Variants in PRKCA observed in about 807,000 individuals in gnomAD.
PRKCA encodes the protein protein kinase C alpha, also known as protein kinase C alpha type.
A neutral mutation model predicts 87.0 loss-of-function variants in PRKCA; 27 were observed. That is an observed-to-expected ratio of 0.31 (90% CI 0.23 to 0.43). The LOEUF is 0.43. Among genes scored for constraint, PRKCA ranks in the 20% least tolerant of loss-of-function variants. The pLI is 1.00. For missense variants in PRKCA, 518 were observed against 852.3 expected (o/e 0.61, Z 4.88); for synonymous variants, 329 against 311.1 (o/e 1.06, Z -0.61).
chr17:66,342,323 G>A (rs142167928), intron 2 of PRKCA, among the ~76,000 whole-genome samples: 6,627 of 152,096 alleles, frequency 0.044, 173 homozygotes, highest in African/African-American at 0.058. Context: ...TCAGGAGGCT[G>A]AGGCAGGAGA....
intron 2 of PRKCA, among the ~76,000 whole-genome samples, chr17:66,406,612 A>ATTTT (rs1911416787): frequency 1.2e-4 from 2 of 16,150 alleles, no homozygotes; most frequent in Non-Finnish European, 2.6e-4. Flanking sequence ...TTTTTTTTAA[A>ATTTT]TGTCATAGAA....
At chr17:66,623,706 G>C (rs1415899021) in intron 3 of PRKCA, among the ~76,000 whole-genome samples, 1 of 152,156 alleles carries the variant, frequency 6.6e-6, no homozygotes, top group African/African-American at 2.4e-5. Flanking sequence ...GAATAAGAAA[G>C]ATAAAGCTAA....
At chr17:66,622,854 G>A (rs1951808354) in intron 3 of PRKCA, among the ~76,000 whole-genome samples, 1 of 152,198 alleles carries the variant, frequency 6.6e-6, no homozygotes, top group African/African-American at 2.4e-5. Flanking sequence ...AGAACAGTAC[G>A]GGGGAACCGC....
chr17:66,425,338 C>T (rs749234219), intron 2 of PRKCA, among the ~76,000 whole-genome samples: 9 of 152,066 alleles, frequency 5.9e-5, no homozygotes, highest in African/African-American at 9.7e-5. Flanking sequence ...CAGATTTGAT[C>T]GCACTGCTCA....
At chr17:66,556,822 A>C (rs1296424558) in intron 3 of PRKCA, among the ~76,000 whole-genome samples, 1 of 152,068 alleles carries the variant, frequency 6.6e-6, no homozygotes, top group Non-Finnish European at 1.5e-5. Context: ...AGGCCTGTGG[A>C]TCTGTGAGTC....
At chr17:66,458,525 G>C (rs1914683662) in intron 2 of PRKCA, among the ~76,000 whole-genome samples, 1 of 151,764 alleles carries the variant, frequency 6.6e-6, no homozygotes, top group South Asian at 2.1e-4. Context: ...CTGTCGCCCA[G>C]GCTGGAGTGT....
intron 3 of PRKCA, among the ~76,000 whole-genome samples, chr17:66,564,097 G>A (rs34388315): frequency 0.23 from 34,221 of 146,158 alleles, 4,006 homozygotes; most frequent in South Asian, 0.35. Flanking sequence ...TCTTTCTTTC[G>A]AGACAGAGTC....
intron 3 of PRKCA, among the ~76,000 whole-genome samples, chr17:66,533,080 C>T (rs917553723): frequency 1.3e-5 from 2 of 152,210 alleles, no homozygotes; most frequent in Non-Finnish European, 2.9e-5. Flanking sequence ...GAGGAGACTT[C>T]AAACGGTAGA....
intron 2 of PRKCA, among the ~76,000 whole-genome samples, chr17:66,377,719 A>AAAT (rs1909535950): frequency 2.7e-5 from 1 of 37,176 alleles, no homozygotes; most frequent in African/African-American, 6.0e-5. Flanking sequence ...ATATATATAT[A>AAAT]TATTTTTTTT....
At chr17:66,703,896 A>T (rs1327618580) in intron 8 of PRKCA, 1 of 152,222 alleles carries the variant, frequency 6.6e-6, no homozygotes, top group Non-Finnish European at 1.5e-5. Context: ...ATCGACTGTG[A>T]TGTACTATAC....
intron 8 of PRKCA, among the ~76,000 whole-genome samples, chr17:66,725,586 G>A (rs1199996593): frequency 6.6e-6 from 1 of 151,880 alleles, no homozygotes; most frequent in Non-Finnish European, 1.5e-5. Flanking sequence ...TGAGGTGGGT[G>A]GATCACTTGA....
chr17:66,689,407 G>A lies in PRKCA; in HGVS notation c.918+360G>A, dbSNP rs1386005378. 6.6e-6 allele frequency among the ~76,000 whole-genome samples: 1 copy of A among 152,116 alleles called. No homozygotes were observed. The highest frequency in any genetic ancestry group is 1.5e-5 in the Non-Finnish European group (1 of 68,012). On this transcript the variant is annotated intron_variant, in intron 8 of 16. Coordinates refer to ENST00000413366, the MANE Select transcript of PRKCA (RefSeq NM_002737.3). This position sits in a 1 kb window ranked among gnomAD's most constrained non-coding sequence, Gnocchi z 4.1. ...CTTCTGAAAAGGAGGAAGTCATTTT[G>A]GCCTTTCCTTGGGAGCTCATTTGTG...
At chr17:66,392,316 G>A (rs1910415186) in intron 2 of PRKCA, among the ~76,000 whole-genome samples, 1 of 152,068 alleles carries the variant, frequency 6.6e-6, no homozygotes, top group African/African-American at 2.4e-5. Flanking sequence ...AAAAAAAATG[G>A]AAACAATTAG....
At position 66,649,609 on chromosome 17, in the gene PRKCA, G is replaced by A. The variant is rs114901054; in HGVS notation, c.529+4098G>A. On this transcript the variant is annotated intron_variant, in intron 5 of 16. Transcript: ENST00000413366. ...TCCACACTCTTGCTTTCAGTGCATA[G>A]GCTATGAATGTTCCAAGTCTCTCTT... Among the ~76,000 whole-genome samples, 904 of 152,300 alleles carry A rather than the reference G, an allele frequency of 5.9e-3. 12 individuals are homozygous for A. Among genetic ancestry groups the A allele is most frequent in the African/African-American group, 0.021 (859 of 41,562 alleles).
In PRKCA at chr17:66,805,123, T is replaced by C. The variant is rs1401711586; in HGVS notation, c.*1086T>C. 2.0e-6 allele frequency: 2 copies of C among 984,032 alleles called. No homozygotes were observed. Among genetic ancestry groups the C allele is most frequent in the Non-Finnish European group, 1.2e-6 (1 of 828,730 alleles). The allele number at this position is 984,032 out of a possible 1,614,324, so 61.0% of individuals were successfully genotyped here. ...CCCTTCTCTAGCCCTGGATGTCCAC[T>C]TAGGGATAAAAAGAATATGGTTTTG... On this transcript the variant is annotated 3_prime_UTR_variant, in exon 17 of 17. Transcript: ENST00000413366.
chr17:66,705,090 C>CT (rs1282523361), intron 8 of PRKCA, among the ~76,000 whole-genome samples: 1 of 152,154 alleles, frequency 6.6e-6, no homozygotes, highest in Non-Finnish European at 1.5e-5. Flanking sequence ...ACAAAAAAAT[C>CT]TATGTGCCCC....
intron 2 of PRKCA, among the ~76,000 whole-genome samples, chr17:66,493,322 T>C (rs993062071): frequency 5.2e-4 from 79 of 151,930 alleles, no homozygotes; most frequent in Non-Finnish European, 1.5e-4. Context: ...TGTGTGTGTG[T>C]GTGTATGTCT....
chr17:66,781,868 G>GAGAGAGAGATATAT (rs1491546533), intron 14 of PRKCA, among the ~76,000 whole-genome samples: 5 of 99,324 alleles, frequency 5.0e-5, no homozygotes, highest in African/African-American at 1.9e-4. Context: ...GAGAGAGAGA[G>GAGAGAGAGATATAT]ATATATATAT....
chr17:66,420,621 A>G (rs1016994474), intron 2 of PRKCA, among the ~76,000 whole-genome samples: 8 of 152,180 alleles, frequency 5.3e-5, no homozygotes, highest in Non-Finnish European at 7.4e-5. Context: ...CGGTTAAGGT[A>G]GGCTCGGCTA....
Sources: gnomAD v4.1 joint callset for allele counts (sites outside exome capture counted in the v4.1 genomes callset) on GRCh38, gnomAD v4.1.1 for gene constraint, Gnocchi (gnomAD v3.1) non-coding constraint, MANE v1.5 for transcripts, NCBI Gene and HGNC (gene_info 2026-07-23, HGNC 2026-07-21) for gene names.